The following CRYBG1 variants were observed in gnomAD, a reference collection of about 807,000 sequenced individuals.
CRYBG1 encodes the protein crystallin beta-gamma domain containing 1.
CRYBG1 carries 139 observed loss-of-function variants against 189.2 expected under a neutral mutation model. The ratio of observed to expected loss-of-function variants is 0.73; its 90% CI spans 0.64 to 0.85. CRYBG1 has a LOEUF of 0.85. CRYBG1 is among the 40% of genes least tolerant of loss of function. The pLI, the probability that CRYBG1 is intolerant of heterozygous loss-of-function variation, is 0.00. For synonymous variants in CRYBG1, 1,023 were observed against 1,017.1 expected (o/e 1.01, Z -0.11); for missense variants, 2,611 against 2,675.8 (o/e 0.98, Z 0.53).
Position 106,519,930 on chromosome 6 carries a change from C to T in CRYBG1, c.2722C>T (p.His908Tyr), listed in dbSNP as rs1269805184. 2 of 1,614,136 alleles carry T rather than the reference C, an allele frequency of 1.2e-6. No homozygotes were observed. The highest frequency in any genetic ancestry group is 8.5e-7 in the Non-Finnish European group (1 of 1,180,032). Residue 908 changes from histidine to tyrosine, a missense_variant, in exon 4 of 22, where the codon CAT (histidine) becomes TAT (tyrosine). Physicochemically the swap from His to Tyr is moderately conservative, Grantham distance 83. Around this residue, in one of 3 missense-constraint regions of CRYBG1, gnomAD observed 1,622 missense variants for 1,735.0 expected, o/e 0.93. Transcript: ENST00000633556. Reference protein sequence around the residue: ...PCTDLKVSENHKGCVLPVSRQ... With the variant: ...PCTDLKVSENYKGCVLPVSRQ... ...CACTGATCTAAAAGTGTCAGAAAAC[C>T]ATAAAGGATGTGTTTTGCCTGTGTC... is the stretch of plus-strand genomic sequence containing the variant.
In CRYBG1 at chr6:106,405,001, C is replaced by G. The variant is rs567840415; in HGVS notation, c.173+43920C>G. Among the ~76,000 whole-genome samples, 278 of 151,620 alleles carry G rather than the reference C, an allele frequency of 1.8e-3. 1 individual carries two copies. The highest frequency in any genetic ancestry group is 6.1e-3 in the African/African-American group (252 of 41,348). The stretch of plus-strand genomic sequence containing the variant: ...TAGCCGCAGTTTTTTTTTTTTCATA[C>G]CCCAGTGGTGTCTGGAACGCCAGTA... On this transcript the variant is annotated intron_variant, in intron 1 of 21. Transcript: ENST00000633556.
At chr6:106,383,108 TA>T (rs1268953787) in intron 1 of CRYBG1, among the ~76,000 whole-genome samples, 1 of 152,182 alleles carries the variant, frequency 6.6e-6, no homozygotes, top group Non-Finnish European at 1.5e-5. Context: ...CAACTTGAAC[TA>T]GTCATGGAAC....
chr6:106,417,573 C>T lies in CRYBG1; in HGVS notation c.174-34121C>T, dbSNP rs922737887. 7.2e-5 allele frequency among the ~76,000 whole-genome samples: 11 copies of T among 152,332 alleles called. 1 individual carries two copies. In the South Asian group the frequency reaches 1.0e-3, roughly 14 times the overall value. On this transcript the variant is annotated intron_variant, in intron 1 of 21. Coordinates refer to ENST00000633556, the MANE Select transcript of CRYBG1 (RefSeq NM_001371242.2). ...AACCAAGGCACTTACCCTTGCTCTC[C>T]GCTTTATCTTCTTTCATAGGTTAGG...
chr6:106,551,920 G>A lies in CRYBG1; in HGVS notation c.5381G>A (p.Ser1794Asn). Residue 1794 changes from serine to asparagine, a missense_variant, in exon 14 of 22, where the codon AGT becomes AAT. By Grantham distance (46) the Ser-to-Asn change is conservative (BLOSUM62 1). Transcript: ENST00000633556. Reference sequence around the variant, plus strand: ...ATACTGGATAAAGGATTTTATACCAGTTTTGAGGACTGGGGAGGCAAAAAT... The same window carrying A: ...ATACTGGATAAAGGATTTTATACCAATTTTGAGGACTGGGGAGGCAAAAAT... Reference protein sequence around the residue: ...QYILDKGFYTSFEDWGGKNCK... With the variant: ...QYILDKGFYTNFEDWGGKNCK... 1 of 1,611,768 alleles carries A rather than the reference G, an allele frequency of 6.2e-7. No homozygotes were observed. The highest frequency in any genetic ancestry group is 1.1e-5 in the South Asian group (1 of 90,962).
chr6:106,394,957 G>A (rs1305705797), intron 1 of CRYBG1, among the ~76,000 whole-genome samples: 1 of 151,232 alleles, frequency 6.6e-6, no homozygotes, highest in Non-Finnish European at 1.5e-5. Flanking sequence ...CCGGGTTCAA[G>A]TGATTCTCCT....
At chr6:106,527,556 T>C in intron 7 of CRYBG1, 86 bp downstream of exon 7, 1 of 1,403,080 alleles carries the variant, frequency 7.1e-7, no homozygotes, top group South Asian at 1.4e-5. Context: ...TTACGAAATA[T>C]GTGATTGGGA....
chr6:106,545,774 G>A (rs920604890), intron 13 of CRYBG1, among the ~76,000 whole-genome samples: 4 of 152,166 alleles, frequency 2.6e-5, no homozygotes, highest in African/African-American at 9.7e-5. Flanking sequence ...TGCCTCCTGG[G>A]CTTAAGCGAT....
At chr6:106,368,918 G>C (rs1333689453) in intron 1 of CRYBG1, among the ~76,000 whole-genome samples, 1 of 151,932 alleles carries the variant, frequency 6.6e-6, no homozygotes, top group African/African-American at 2.4e-5. Context: ...AAAATTTAAA[G>C]CTTGAAGGAA....
chr6:106,537,837 A>ATG (rs766422446), intron 8 of CRYBG1, among the ~76,000 whole-genome samples: 98 of 152,070 alleles, frequency 6.4e-4, no homozygotes, highest in Non-Finnish European at 1.3e-3. Flanking sequence ...ACATTCTTTC[A>ATG]TGTGTGTGTT....
intron 2 of CRYBG1, among the ~76,000 whole-genome samples, chr6:106,489,251 A>G (rs575376257): frequency 1.3e-5 from 2 of 152,100 alleles, no homozygotes; most frequent in Admixed American, 6.5e-5. Flanking sequence ...CTATCCAGCA[A>G]CTTCCTCAGT....
chr6:106,451,575 A>C, intron 1 of CRYBG1, 119 bp from the exon 2 acceptor site: 2 of 1,011,838 alleles, frequency 2.0e-6, no homozygotes, highest in Non-Finnish European at 2.7e-6. Context: ...TTGAAGAATG[A>C]TTCATTATTT....
intron 1 of CRYBG1, among the ~76,000 whole-genome samples, chr6:106,365,564 G>A (rs1582722190): frequency 6.6e-6 from 1 of 151,172 alleles, no homozygotes; most frequent in Non-Finnish European, 1.5e-5. Context: ...CTAGGATTAC[G>A]GGTGTGAGCC....
intron 2 of CRYBG1, among the ~76,000 whole-genome samples, chr6:106,496,643 A>G (rs953569604): frequency 2.6e-5 from 4 of 152,264 alleles, no homozygotes; most frequent in Admixed American, 6.5e-5. Context: ...CTAAAAATCT[A>G]CTAAGCAGAT....
In CRYBG1 at chr6:106,539,545, A is replaced by C; in HGVS notation, c.4845+16A>C. ...TCTGAAAATGGTAAAAATGAAATCC[A>C]AATGTCCTTGTGGTGATTCTTTGTC... is the stretch of plus-strand genomic sequence containing the variant. On this transcript the variant is annotated intron_variant, in intron 9 of 21. Coordinates refer to ENST00000633556, the MANE Select transcript of CRYBG1 (RefSeq NM_001371242.2). The C allele has an allele frequency of 1.2e-6, 2 of 1,607,674 alleles. No homozygotes were observed. Among genetic ancestry groups the C allele is most frequent in the Non-Finnish European group, 1.7e-6 (2 of 1,176,464 alleles).
chr6:106,559,441 G>C (rs1774645728), intron 18 of CRYBG1, among the ~76,000 whole-genome samples: 1 of 152,122 alleles, frequency 6.6e-6, no homozygotes, highest in African/African-American at 2.4e-5. Flanking sequence ...AATAGGTATG[G>C]TCTACCTGTG....
rs1349102203 is a variant in CRYBG1, at chr6:106,512,951, G to A, written c.1834G>A (p.Gly612Arg). ...AAGCAGAGAGCTGGGCAGAGCGGCCGGAGCGCCTGGAGCTTCTGACGCCGA... is the reference window on the plus strand; with the variant it reads ...AAGCAGAGAGCTGGGCAGAGCGGCCAGAGCGCCTGGAGCTTCTGACGCCGA... ...GRSRELGRAA[G>R]APGASDADGL... The change falls in exon 3 of 22, where the codon GGA (glycine) becomes AGA (arginine). Residue 612 changes from glycine to arginine, a missense_variant. Gly to Arg is a moderately radical substitution (Grantham distance 125). Around this residue, in one of 3 missense-constraint regions of CRYBG1, gnomAD observed 985 missense variants for 924.4 expected, o/e 1.07. Coordinates refer to ENST00000633556, the MANE Select transcript of CRYBG1 (RefSeq NM_001371242.2). 1.2e-6 allele frequency: 2 copies of A among 1,610,488 alleles called. No homozygotes were observed. Among genetic ancestry groups the A allele is most frequent in the Admixed American group, 1.7e-5 (1 of 59,764 alleles).
Position 106,543,516 on chromosome 6 carries a change from AG to A in CRYBG1, c.4961del (p.Gly1654GlufsTer21). The A allele has an allele frequency of 6.2e-7, 1 of 1,614,044 alleles. No homozygotes were observed. ...ACAGGAATGTGTAGTTTTGTCATGG[AG>A]GGAGGTGAAACAGAAGAGGCGACTG... ...LETGMCSFVM[E>X]GGETEEATGD... On this transcript the variant is annotated frameshift_variant, in exon 11 of 22. Coordinates refer to ENST00000633556, the MANE Select transcript of CRYBG1 (RefSeq NM_001371242.2). LOFTEE classifies it high-confidence loss of function.
At chr6:106,506,290 C>T (rs1004000514) in intron 2 of CRYBG1, among the ~76,000 whole-genome samples, 2 of 152,144 alleles carry the variant, frequency 1.3e-5, no homozygotes, top group Non-Finnish European at 2.9e-5. Context: ...GTCAGTCCCC[C>T]ATGCTAGCTG....
chr6:106,492,916 A>G (rs1772757455), intron 2 of CRYBG1, among the ~76,000 whole-genome samples: 1 of 152,104 alleles, frequency 6.6e-6, no homozygotes, highest in Non-Finnish European at 1.5e-5. Context: ...AAATATAGTC[A>G]TGGTAGGCAA....
Sources: allele counts gnomAD v4.1 joint callset (sites outside exome capture counted in the v4.1 genomes callset), GRCh38; gene constraint gnomAD v4.1.1; regional missense constraint gnomAD v4.1.1; transcripts MANE v1.5; gene names NCBI Gene and HGNC (gene_info 2026-07-23, HGNC 2026-07-21).